USP43: variants seen among roughly 807,000 people sequenced by gnomAD.
USP43 encodes the protein ubiquitin carboxyl-terminal hydrolase 43.
Under a neutral mutation model 90.7 loss-of-function variants are expected in USP43, and 33 were observed. The observed-to-expected ratio is 0.36, with a 90% CI of 0.28 to 0.49. The LOEUF (loss-of-function observed/expected upper bound fraction) is 0.49. Ranked by LOEUF, USP43 falls within the 20% of genes least tolerant of loss-of-function variation. USP43 has a pLI of 0.98. For missense variants in USP43, 1,274 were observed against 1,476.4 expected, an observed-to-expected ratio of 0.86 and a Z score of 2.25; for synonymous variants, 598 against 615.8, an observed-to-expected ratio of 0.97 and a Z score of 0.43.
rs1911312220 is a variant in USP43 at position 9,645,581 on chromosome 17, C to T, written c.-52C>T. 3 of 1,172,242 alleles carry T rather than the reference C, an allele frequency of 2.6e-6. No homozygotes were observed. Among genetic ancestry groups the T allele is most frequent in the Non-Finnish European group, 3.2e-6 (3 of 950,302 alleles). 72.6% of individuals were successfully genotyped at this position (1,172,242 alleles called of 1,614,324 possible). On this transcript the variant is annotated 5_prime_UTR_variant, in exon 1 of 15. Coordinates refer to ENST00000285199, the MANE Select transcript of USP43 (RefSeq NM_153210.5). This position sits in a 1 kb window ranked among gnomAD's most constrained non-coding sequence, Gnocchi z 6.8. The stretch of plus-strand genomic sequence containing the variant: ...GAAGCTGTAGGGCCTGCTGGCCGCT[C>T]GTCCGCCTCGCGCCCGGGGGCTCCG...
intron 8 of USP43, among the ~76,000 whole-genome samples, chr17:9,688,553 G>T (rs150489794): frequency 0.042 from 6,396 of 151,974 alleles, 420 homozygotes; most frequent in African/African-American, 0.15. Context: ...GTTTCACCAT[G>T]TTGGCCAGGA....
intron 5 of USP43, among the ~76,000 whole-genome samples, chr17:9,679,006 G>A (rs756617663): frequency 1.5e-4 from 23 of 151,978 alleles, no homozygotes; most frequent in Non-Finnish European, 2.4e-4. Flanking sequence ...TTTTGATTTA[G>A]ATATTATTGT....
chr17:9,671,830 C>G (rs771884974), intron 3 of USP43, among the ~76,000 whole-genome samples: 3 of 152,090 alleles, frequency 2.0e-5, no homozygotes, highest in Non-Finnish European at 4.4e-5. Flanking sequence ...TTGCTCTAGC[C>G]TGGTAACATG....
intron 9 of USP43, among the ~76,000 whole-genome samples, chr17:9,694,395 C>G (rs1915135552): frequency 6.6e-6 from 1 of 152,192 alleles, no homozygotes; most frequent in Admixed American, 6.5e-5. Context: ...CCCCTTCCCA[C>G]ACTCAGTCTT....
chr17:9,719,431 G>A (rs1189763067), intron 14 of USP43, among the ~76,000 whole-genome samples: 2 of 152,174 alleles, frequency 1.3e-5, no homozygotes, highest in African/African-American at 4.8e-5. Context: ...GCAGACCCTT[G>A]CAGGCATTTT....
intron 9 of USP43, among the ~76,000 whole-genome samples, chr17:9,695,231 G>A (rs573721427): frequency 6.6e-6 from 1 of 152,056 alleles, no homozygotes; most frequent in African/African-American, 2.4e-5. Flanking sequence ...TCTTTCACAG[G>A]GCTCTCTATT....
chr17:9,677,401 C>T (rs1330400860), intron 5 of USP43, among the ~76,000 whole-genome samples: 1 of 152,170 alleles, frequency 6.6e-6, no homozygotes, highest in Non-Finnish European at 1.5e-5. Context: ...GCAATATAAA[C>T]CAGGACAGTA....
At chr17:9,712,511 G>A (rs1027035580) in intron 14 of USP43, among the ~76,000 whole-genome samples, 9 of 152,284 alleles carry the variant, frequency 5.9e-5, no homozygotes, top group African/African-American at 2.2e-4. Flanking sequence ...ATCTTTCTAG[G>A]GGGTGACACT....
Position 9,701,754 on chromosome 17 carries a change from G to T in USP43, c.2011+54G>T. 6.9e-7 allele frequency: 1 copy of T among 1,439,138 alleles called. No homozygotes were observed. The allele number at this position is 1,439,138 out of a possible 1,614,324, so 89.1% of individuals were successfully genotyped here. On this transcript the variant is annotated intron_variant, in intron 12 of 14. Coordinates refer to ENST00000285199, the MANE Select transcript of USP43 (RefSeq NM_153210.5). This position sits in a 1 kb window ranked among gnomAD's most constrained non-coding sequence, Gnocchi z 7.2. ...GCAGCTGTGGCCACAGCCTCGAGAT[G>T]TCCCTGGAATGGGTGTTGCTCAGAT...
At chr17:9,699,298 C>A (rs1915436858) in intron 9 of USP43, among the ~76,000 whole-genome samples, 1 of 148,506 alleles carries the variant, frequency 6.7e-6, no homozygotes, top group Non-Finnish European at 1.5e-5. Context: ...TTTCCCAATG[C>A]ATCAGGGCTC....
chr17:9,724,258 C>T (rs916142562), intron 14 of USP43, among the ~76,000 whole-genome samples: 5 of 152,104 alleles, frequency 3.3e-5, no homozygotes, highest in South Asian at 2.1e-4. Context: ...TTCAACTCAT[C>T]GGTGTAGCTT....
At chr17:9,705,763 A>AC (rs1915836528) in intron 12 of USP43, among the ~76,000 whole-genome samples, 1 of 149,532 alleles carries the variant, frequency 6.7e-6, no homozygotes, top group South Asian at 2.1e-4. Context: ...CAAAAAAAAA[A>AC]AACAACAACA....
intron 3 of USP43, among the ~76,000 whole-genome samples, chr17:9,673,498 G>C (rs954766815): frequency 6.6e-6 from 1 of 152,066 alleles, no homozygotes; most frequent in African/African-American, 2.4e-5. Flanking sequence ...GACAGTGCGA[G>C]ACTCCGTCTC....
chr17:9,687,664 A>G (rs989219736), intron 8 of USP43, among the ~76,000 whole-genome samples: 2 of 152,206 alleles, frequency 1.3e-5, no homozygotes, highest in Admixed American at 6.5e-5. Flanking sequence ...AACTATTCCC[A>G]TAGTAAAAGC....
intron 1 of USP43, among the ~76,000 whole-genome samples, chr17:9,649,866 C>T (rs1020619130): frequency 2.0e-5 from 3 of 151,932 alleles, no homozygotes; most frequent in Non-Finnish European, 4.4e-5. Context: ...CTTAATAATA[C>T]ACAACAATCA....
intron 8 of USP43, among the ~76,000 whole-genome samples, chr17:9,687,716 T>C (rs1313891581): frequency 1.3e-5 from 2 of 152,188 alleles, no homozygotes; most frequent in East Asian, 3.9e-4. Flanking sequence ...CAGAGATAAT[T>C]CCTCATAATT....
Position 9,680,354 on chromosome 17 carries a change from G to C in USP43, c.1093G>C (p.Gly365Arg), listed in dbSNP as rs752506697. Residue 365 changes from glycine to arginine, a missense_variant, in exon 6 of 15, where the codon GGG (glycine) becomes CGG (arginine). By Grantham distance (125) the Gly-to-Arg change is moderately radical. This residue lies in a region of USP43 where 253 missense variants were observed against 276.0 expected (regional missense o/e 0.92). Coordinates refer to ENST00000285199, the MANE Select transcript of USP43 (RefSeq NM_153210.5). ...TCAAGTTCCTCCCTCACCCAGCCAG[G>C]GGACTCTCTCAGGTATAACAGGTGC... Reference protein sequence around the residue: ...AFQVPPSPSQGTLSAHPLGLS... With the variant: ...AFQVPPSPSQRTLSAHPLGLS... The C allele has an allele frequency of 1.5e-5, 24 of 1,613,682 alleles. No individual in the cohort carries two copies. The South Asian group carries it at 2.1e-4, about 14-fold the overall frequency.
At chr17:9,703,754 T>C (rs1338306444) in intron 12 of USP43, among the ~76,000 whole-genome samples, 1 of 152,166 alleles carries the variant, frequency 6.6e-6, no homozygotes, top group Non-Finnish European at 1.5e-5. Flanking sequence ...GCACTGCCAG[T>C]TAAATGGCAG....
At chr17:9,672,872 A>C (rs2049983600) in intron 3 of USP43, among the ~76,000 whole-genome samples, 2 of 152,258 alleles carry the variant, frequency 1.3e-5, no homozygotes, top group Middle Eastern at 3.4e-3. Context: ...GCCTCGGGCG[A>C]CACTCTCCTG....
Sources: allele counts gnomAD v4.1 joint callset (sites outside exome capture counted in the v4.1 genomes callset), GRCh38; gene constraint gnomAD v4.1.1; regional missense constraint gnomAD v4.1.1; non-coding constraint Gnocchi (gnomAD v3.1); transcripts MANE v1.5; gene names NCBI Gene and HGNC (gene_info 2026-07-23, HGNC 2026-07-21).